RYR2: variants seen among roughly 807,000 people sequenced by gnomAD.
The protein encoded by RYR2 is ryanodine receptor 2.
RYR2 carries 227 observed loss-of-function variants against 601.1 expected under a neutral mutation model. That is an observed-to-expected ratio of 0.38 (90% CI 0.34 to 0.42). The LOEUF (loss-of-function observed/expected upper bound fraction) is 0.42. RYR2 is among the 10% of genes least tolerant of loss of function. RYR2 has a pLI of 1.00. For synonymous variants in RYR2, 2,223 were observed against 2,175.1 expected (o/e 1.02, Z -0.61); for missense variants, 4,646 against 6,156.5 (o/e 0.75, Z 8.21).
intron 1 of RYR2, among the ~76,000 whole-genome samples, chr1:237,244,820 T>G (rs989040245): frequency 2.0e-5 from 3 of 151,410 alleles, no homozygotes; most frequent in Non-Finnish European, 2.9e-5. Context: ...AACGTACCGC[T>G]TGAATTTTAC....
intron 1 of RYR2, among the ~76,000 whole-genome samples, chr1:237,122,174 G>T (rs535144587): frequency 7.2e-5 from 11 of 152,352 alleles, no homozygotes; most frequent in Admixed American, 5.2e-4. Flanking sequence ...CGGGGATGCC[G>T]AGGGGAATGA....
chr1:237,059,045 A>G (rs962929762), intron 1 of RYR2, among the ~76,000 whole-genome samples: 5 of 152,178 alleles, frequency 3.3e-5, no homozygotes, highest in African/African-American at 1.2e-4. Flanking sequence ...TGCTCTGGAC[A>G]GGCCTAAAAC....
chr1:237,602,486 C>T (rs1236872323), intron 35 of RYR2, among the ~76,000 whole-genome samples: 2 of 152,112 alleles, frequency 1.3e-5, no homozygotes, highest in Admixed American at 1.3e-4. Context: ...GAAAGAACAA[C>T]TCAGTTGGAT....
intron 25 of RYR2, among the ~76,000 whole-genome samples, chr1:237,538,394 C>CAAAAAA (rs10551995): frequency 6.1e-5 from 2 of 32,898 alleles, no homozygotes; most frequent in African/African-American, 1.3e-4. Flanking sequence ...GACTCTGTCT[C>CAAAAAA]AAAAAAAAAA....
chr1:237,490,240 A>G (rs1173978746), intron 17 of RYR2, among the ~76,000 whole-genome samples: 1 of 152,228 alleles, frequency 6.6e-6, no homozygotes, highest in African/African-American at 2.4e-5. Flanking sequence ...TTTGCTCACT[A>G]CCTGGTTGAT....
chr1:237,705,898 T>C (rs1001507705), intron 67 of RYR2, among the ~76,000 whole-genome samples: 1 of 152,034 alleles, frequency 6.6e-6, no homozygotes, highest in Non-Finnish European at 1.5e-5. Flanking sequence ...TAGATGAACA[T>C]GCAAACCAAA....
intron 2 of RYR2, among the ~76,000 whole-genome samples, chr1:237,311,158 C>T (rs894539992): frequency 3.3e-5 from 5 of 152,100 alleles, no homozygotes; most frequent in Non-Finnish European, 7.3e-5. Context: ...TTAAGAGTTT[C>T]TGCAGAGATA....
chr1:237,448,011 T>C (rs1055363760), intron 14 of RYR2, among the ~76,000 whole-genome samples: 3 of 148,724 alleles, frequency 2.0e-5, no homozygotes, highest in African/African-American at 7.6e-5. Context: ...CACTGCAACC[T>C]GCCTCCCAGG....
intron 84 of RYR2, among the ~76,000 whole-genome samples, chr1:237,763,556 T>C (rs1375806046): frequency 1.3e-5 from 2 of 152,210 alleles, no homozygotes; most frequent in Non-Finnish European, 2.9e-5. Context: ...AACTATTTGC[T>C]CCTCAAACTA....
rs139225917 is a variant in RYR2 at position 237,830,115 on chromosome 1, C to T, written c.14656-415C>T. ...TAATCTGTACCTATTCCCCCTTGGT[C>T]GTCCGACTTTGTTTGGGTGGGTACT... On this transcript the variant is annotated intron_variant, in intron 102 of 104. Transcript: ENST00000366574. The T allele has an allele frequency of 2.3e-3, 395 of 174,146 alleles. 3 individuals carry two copies. The highest frequency in any genetic ancestry group is 8.9e-3 in the African/African-American group (373 of 42,014). 10.8% of individuals were successfully genotyped at this position (174,146 alleles called of 1,614,324 possible).
At chr1:237,563,155 C>G (rs1335351805) in intron 27 of RYR2, among the ~76,000 whole-genome samples, 1 of 152,078 alleles carries the variant, frequency 6.6e-6, no homozygotes, top group Non-Finnish European at 1.5e-5. Context: ...CACCTGTAAT[C>G]CCAGCACTTT....
At chr1:237,787,760 C>G (rs1174961192) in intron 91 of RYR2, among the ~76,000 whole-genome samples, 1 of 151,922 alleles carries the variant, frequency 6.6e-6, no homozygotes, top group Non-Finnish European at 1.5e-5. Flanking sequence ...ATAAAATGTC[C>G]TCTATATTTC....
chr1:237,246,670 T>C (rs1409307677), intron 1 of RYR2, among the ~76,000 whole-genome samples: 1 of 152,204 alleles, frequency 6.6e-6, no homozygotes, highest in Non-Finnish European at 1.5e-5. Flanking sequence ...TATGAAACAT[T>C]TGAATTCCCA....
At chr1:237,268,662 G>A (rs1480733950) in intron 1 of RYR2, among the ~76,000 whole-genome samples, 1 of 152,026 alleles carries the variant, frequency 6.6e-6, no homozygotes, top group African/African-American at 2.4e-5. Context: ...ATACAGCCGG[G>A]TGCGGTGGCT....
intron 5 of RYR2, among the ~76,000 whole-genome samples, chr1:237,366,805 A>G (rs1296514152): frequency 2.6e-5 from 4 of 152,004 alleles, no homozygotes; most frequent in East Asian, 3.9e-4. Flanking sequence ...CTTTTAAAAC[A>G]TTTTGTTTTG....
At chr1:237,549,843 C>T (rs1238694864) in intron 26 of RYR2, among the ~76,000 whole-genome samples, 1 of 152,022 alleles carries the variant, frequency 6.6e-6, no homozygotes, top group East Asian at 1.9e-4. Flanking sequence ...GGAGTAGATG[C>T]ATCTCCCCGA....
rs547098115 is a variant in RYR2, at chr1:237,536,881, A to G, written c.2906+6371A>G. 5.7e-3 allele frequency among the ~76,000 whole-genome samples: 867 copies of G among 151,652 alleles called. 13 individuals are homozygous for G. The highest frequency in any genetic ancestry group is 0.02 in the African/African-American group (807 of 41,320). On this transcript the variant is annotated intron_variant, in intron 25 of 104. Transcript: ENST00000366574. The stretch of plus-strand genomic sequence containing the variant: ...AGCCTGGGCGACAGAGCGAGACTCC[A>G]TCTCAAAAAAAAAAGACTTGCAGAA...
In RYR2 at chr1:237,515,529, G is replaced by T. The variant is rs191930563; in HGVS notation, c.2822+3738G>T. ...GATGGAGAGGAAAGCAGTATGGAAG[G>T]GAGACAAATAACTGATAAGGGGAGA... is the stretch of plus-strand genomic sequence containing the variant. On this transcript the variant is annotated intron_variant, in intron 24 of 104. Coordinates refer to ENST00000366574, the MANE Select transcript of RYR2 (RefSeq NM_001035.3). 6.3e-3 allele frequency among the ~76,000 whole-genome samples: 957 copies of T among 152,164 alleles called. 9 individuals carry two copies. Among genetic ancestry groups the T allele is most frequent in the Middle Eastern group, 0.044 (13 of 294 alleles).
rs541008480 is a variant in RYR2 at position 237,354,987 on chromosome 1, A to G, written c.274-978A>G. The stretch of plus-strand genomic sequence containing the variant: ...AACATTTTTGAAATAATCACTCTGT[A>G]TGTTGCTTTTTATGCATATTGCTTC... On this transcript the variant is annotated intron_variant, in intron 3 of 104. Coordinates refer to ENST00000366574, the MANE Select transcript of RYR2 (RefSeq NM_001035.3). Among the ~76,000 whole-genome samples, 6 of 152,236 alleles carry G rather than the reference A, an allele frequency of 3.9e-5. No individual in the cohort carries two copies. In the South Asian group the frequency reaches 1.2e-3, roughly 32 times the overall value.
Sources: allele counts gnomAD v4.1 joint callset (sites outside exome capture counted in the v4.1 genomes callset), GRCh38; gene constraint gnomAD v4.1.1; transcripts MANE v1.5; gene names NCBI Gene and HGNC (gene_info 2026-07-23, HGNC 2026-07-21).